LRRC4C: variants seen among roughly 807,000 people sequenced by gnomAD.
The protein encoded by LRRC4C is leucine rich repeat containing 4C.
Under a neutral mutation model 33.6 loss-of-function variants are expected in LRRC4C, and 5 were observed. The ratio of observed to expected loss-of-function variants is 0.15; its 90% CI spans 0.08 to 0.31. The LOEUF (loss-of-function observed/expected upper bound fraction) is 0.31, where lower values mean the gene tolerates loss of function less well. LRRC4C is among the 10% of genes least tolerant of loss of function. The pLI is 1.00. For missense variants in LRRC4C, 560 were observed against 796.7 expected (o/e 0.70, Z 3.58); for synonymous variants, 329 against 302.0 (o/e 1.09, Z -0.93).
rs1855308079 is a variant in LRRC4C at position 40,114,904 on chromosome 11, T to G, written c.1389A>C (p.Glu463Asp). The G allele has an allele frequency of 4.3e-6, 7 of 1,614,188 alleles. No homozygotes were observed. Among genetic ancestry groups the G allele is most frequent in the Non-Finnish European group, 5.1e-6 (6 of 1,180,024 alleles). ...TGGTCCGTGCCTCATCCTGAGACGG[T>G]TCCATAGTCTCTACTGTGACGGTTG... Reference protein sequence around the residue: ...YFSTVTVETMEPSQDEARTTD... With the variant: ...YFSTVTVETMDPSQDEARTTD... The change falls in exon 7 of 7, where the codon GAA (glutamate) becomes GAC (aspartate). Residue 463 changes from glutamate (E) to aspartate (D), a missense_variant. Around this residue, in one of 3 missense-constraint regions of LRRC4C, gnomAD observed 455 missense variants for 643.8 expected, o/e 0.71. Transcript: ENST00000528697.
chr11:41,141,050 T>G (rs995251062), intron 1 of LRRC4C, among the ~76,000 whole-genome samples: 1 of 152,152 alleles, frequency 6.6e-6, no homozygotes, highest in Non-Finnish European at 1.5e-5. Flanking sequence ...TTTCTAAAAG[T>G]AGATCTAGTA....
chr11:41,081,882 A>G (rs974295933), intron 1 of LRRC4C, among the ~76,000 whole-genome samples: 1 of 152,202 alleles, frequency 6.6e-6, no homozygotes, highest in Non-Finnish European at 1.5e-5. Flanking sequence ...AATTATGCAT[A>G]AAAACGAGAG....
chr11:41,289,138 G>A (rs1949921125), intron 1 of LRRC4C, among the ~76,000 whole-genome samples: 1 of 152,024 alleles, frequency 6.6e-6, no homozygotes, highest in Non-Finnish European at 1.5e-5. Flanking sequence ...CCAGGGTGTT[G>A]GAATCTTGGG....
chr11:40,246,880 ATTTG>A (rs1457432724), intron 4 of LRRC4C, among the ~76,000 whole-genome samples: 1 of 152,180 alleles, frequency 6.6e-6, no homozygotes, highest in Non-Finnish European at 1.5e-5. Context: ...AGAAAAAATA[ATTTG>A]TTTACTATTT....
intron 1 of LRRC4C, among the ~76,000 whole-genome samples, chr11:41,135,870 C>T (rs1252478878): frequency 6.6e-6 from 1 of 152,142 alleles, no homozygotes; most frequent in Non-Finnish European, 1.5e-5. Flanking sequence ...TCAAATAGCA[C>T]TCTGGCTAAC....
intron 1 of LRRC4C, among the ~76,000 whole-genome samples, chr11:41,093,095 AT>A (rs1454554674): frequency 6.6e-6 from 1 of 152,168 alleles, no homozygotes; most frequent in African/African-American, 2.4e-5. Flanking sequence ...GATAATAGTT[AT>A]TTTCATTTAT....
intron 3 of LRRC4C, among the ~76,000 whole-genome samples, chr11:40,330,050 T>C (rs113582240): frequency 5.9e-5 from 9 of 152,258 alleles, no homozygotes; most frequent in Non-Finnish European, 1.3e-4. Context: ...TGGTAGTTAC[T>C]TTCTAACTAG....
intron 1 of LRRC4C, among the ~76,000 whole-genome samples, chr11:41,358,001 A>T (rs968054957): frequency 1.3e-5 from 2 of 152,172 alleles, no homozygotes; most frequent in Admixed American, 6.5e-5. Context: ...CAACTTCAAG[A>T]TTGACTATAA....
intron 5 of LRRC4C, among the ~76,000 whole-genome samples, chr11:40,168,429 A>C (rs1446535224): frequency 1.3e-5 from 2 of 152,346 alleles, no homozygotes; most frequent in East Asian, 3.9e-4. Flanking sequence ...TTTGCGTCCA[A>C]ACCTCCTGAT....
intron 1 of LRRC4C, among the ~76,000 whole-genome samples, chr11:41,376,529 T>A (rs903989078): frequency 6.6e-6 from 1 of 152,086 alleles, no homozygotes; most frequent in African/African-American, 2.4e-5. Flanking sequence ...TGGTTAATGG[T>A]TAAACATTAG....
intron 5 of LRRC4C, among the ~76,000 whole-genome samples, chr11:40,196,016 GA>G (rs1186215685): frequency 6.6e-6 from 1 of 152,140 alleles, no homozygotes; most frequent in Non-Finnish European, 1.5e-5. Context: ...TGAACCATAG[GA>G]ATCGTAAAGC....
At chr11:40,644,635 T>C (rs1942327701) in intron 3 of LRRC4C, among the ~76,000 whole-genome samples, 3 of 152,224 alleles carry the variant, frequency 2.0e-5, no homozygotes, top group Non-Finnish European at 1.5e-5. Context: ...CAGAGAATTA[T>C]ACTGAGTGAA....
intron 2 of LRRC4C, among the ~76,000 whole-genome samples, chr11:40,872,766 G>A (rs774706561): frequency 6.6e-6 from 1 of 151,994 alleles, no homozygotes; most frequent in Non-Finnish European, 1.5e-5. Flanking sequence ...CAAGTAAAAG[G>A]GGAAAGCATA....
At chr11:41,342,805 G>C (rs1214282370) in intron 1 of LRRC4C, among the ~76,000 whole-genome samples, 1 of 152,120 alleles carries the variant, frequency 6.6e-6, no homozygotes, top group Non-Finnish European at 1.5e-5. Flanking sequence ...TAGTTTCCAA[G>C]GGCTGCTGTA....
At chr11:41,191,932 G>A (rs1172949872) in intron 1 of LRRC4C, among the ~76,000 whole-genome samples, 2 of 152,084 alleles carry the variant, frequency 1.3e-5, no homozygotes, top group Non-Finnish European at 2.9e-5. Flanking sequence ...TAATTTCGGT[G>A]CCAAAGGAAG....
chr11:40,839,519 T>C (rs1952822719), intron 2 of LRRC4C, among the ~76,000 whole-genome samples: 1 of 152,168 alleles, frequency 6.6e-6, no homozygotes. Flanking sequence ...GTGCTGGGAT[T>C]ACAGGCGTGA....
intron 1 of LRRC4C, among the ~76,000 whole-genome samples, chr11:41,214,515 A>T (rs1946953901): frequency 7.0e-6 from 1 of 143,600 alleles, no homozygotes; most frequent in African/African-American, 2.6e-5. Flanking sequence ...GTGGATCACG[A>T]GGTCAGGAGA....
chr11:40,754,751 AT>A (rs907358696), intron 2 of LRRC4C, among the ~76,000 whole-genome samples: 1 of 151,788 alleles, frequency 6.6e-6, no homozygotes, highest in African/African-American at 2.4e-5. Flanking sequence ...TGCCTATTTT[AT>A]TTTGTTTTAA....
rs562857714 is a variant in LRRC4C, at chr11:40,962,935, A to T, written c.-495-29212T>A. On this transcript the variant is annotated intron_variant, in intron 1 of 6. Transcript: ENST00000528697. ...AAGAATGCCTTATTTGCCAAATTGA[A>T]TAGCAAATTAAACATATTAAAACTG... 1.1e-4 allele frequency among the ~76,000 whole-genome samples: 16 copies of T among 151,886 alleles called. No individual in the cohort carries two copies. The South Asian group carries it at 1.9e-3, about 18-fold the overall frequency.
Sources: allele counts gnomAD v4.1 joint callset (sites outside exome capture counted in the v4.1 genomes callset), GRCh38; gene constraint gnomAD v4.1.1; regional missense constraint gnomAD v4.1.1; transcripts MANE v1.5; gene names NCBI Gene and HGNC (gene_info 2026-07-23, HGNC 2026-07-21).